Variants in COPG2 observed in about 807,000 individuals in gnomAD.
The protein encoded by COPG2 is coatomer subunit gamma-2.
Under a neutral mutation model 46.3 loss-of-function variants are expected in COPG2, and 37 were observed. The ratio of observed to expected loss-of-function variants is 0.80; its 90% CI spans 0.61 to 1.05. The LOEUF is 1.05. Ranked by LOEUF, COPG2 falls within the 50% of genes least tolerant of loss-of-function variation. The probability of loss-of-function intolerance (pLI) is 0.00; values close to 1 mark genes in which losing one functional copy is unlikely to be tolerated. For synonymous variants in COPG2, 159 were observed against 129.7 expected (o/e 1.23, Z -1.53); for missense variants, 427 against 387.8 (o/e 1.10, Z -0.85).
intron 3 of COPG2, among the ~76,000 whole-genome samples, chr7:130,666,347 C>G (rs1278385180): frequency 2.6e-5 from 4 of 152,190 alleles, no homozygotes; most frequent in Non-Finnish European, 5.9e-5. Flanking sequence ...CATGCTCTAA[C>G]TAGTACTCAT....
At chr7:130,587,803 T>C (rs1554448233) in intron 9 of COPG2, among the ~76,000 whole-genome samples, 1 of 152,034 alleles carries the variant, frequency 6.6e-6, no homozygotes, top group Non-Finnish European at 1.5e-5. Flanking sequence ...GGGATCTAAT[T>C]AAACTAAAGA....
chr7:130,667,563 C>T, intron 1 of COPG2, 29 bp from the exon 2 acceptor site: 3 of 1,589,976 alleles, frequency 1.9e-6, no homozygotes, highest in Non-Finnish European at 2.6e-6. Flanking sequence ...AAAAAAATGT[C>T]CTGAACAGCT....
chr7:130,560,292 T>A (rs1271591349), intron 12 of COPG2, among the ~76,000 whole-genome samples: 1 of 152,114 alleles, frequency 6.6e-6, no homozygotes, highest in Non-Finnish European at 1.5e-5. Flanking sequence ...AACAACAGAT[T>A]TGCAAGACCT....
At chr7:130,601,797 A>T (rs1554450349) in intron 9 of COPG2, among the ~76,000 whole-genome samples, 2 of 152,044 alleles carry the variant, frequency 1.3e-5, no homozygotes, top group Non-Finnish European at 2.9e-5. Context: ...CATTCTGCAC[A>T]TGTACCCCAG....
chr7:130,578,254 G>A (rs1220178414), intron 9 of COPG2, among the ~76,000 whole-genome samples: 1 of 150,368 alleles, frequency 6.7e-6, no homozygotes, highest in African/African-American at 2.4e-5. Context: ...ACCTCACACA[G>A]CAGGGTATTC....
At chr7:130,519,021 A>G (rs890293556) in intron 20 of COPG2, among the ~76,000 whole-genome samples, 2 of 151,576 alleles carry the variant, frequency 1.3e-5, no homozygotes, top group Admixed American at 6.6e-5. Flanking sequence ...AAAAAAAAAA[A>G]AAGAGTAGAG....
At chr7:130,542,990 GT>G (rs1472531188) in intron 20 of COPG2, among the ~76,000 whole-genome samples, 34 of 152,164 alleles carry the variant, frequency 2.2e-4, no homozygotes, top group Admixed American at 2.2e-3. Flanking sequence ...AGCGAGTGGG[GT>G]AACAACACTT....
rs782203090 is a variant in COPG2 at position 130,617,027 on chromosome 7, C to T, written c.362G>A (p.Arg121Gln). Reference sequence around the variant, plus strand: ...GCAGAGAGCTCTGATGGCCGGGCCTCGGTATACATCTTCTTTTCCAGTCAT... The same window carrying T: ...GCAGAGAGCTCTGATGGCCGGGCCTTGGTATACATCTTCTTTTCCAGTCAT... ...KDMTGKEDVY[R>Q]GPAIRALCRI... The change falls in exon 6 of 24, where the codon CGA (arginine) becomes CAA (glutamine). Residue 121 changes from arginine (R) to glutamine (Q), a missense_variant. By Grantham distance (43) the Arg-to-Gln change is conservative (BLOSUM62 1). Transcript: ENST00000425248. 12 of 1,611,080 alleles carry T rather than the reference C, an allele frequency of 7.4e-6. No homozygotes were observed. Among genetic ancestry groups the T allele is most frequent in the African/African-American group, 1.3e-5 (1 of 74,894 alleles).
At chr7:130,513,290 T>TTAAAA (rs1331715291) in intron 20 of COPG2, among the ~76,000 whole-genome samples, 1 of 20,292 alleles carries the variant, frequency 4.9e-5, no homozygotes, top group Non-Finnish European at 1.2e-4. Context: ...TAATTCTGTC[T>TTAAAA]AAAAAAAAAA....
chr7:130,553,421 G>A (rs1019892200), intron 14 of COPG2, among the ~76,000 whole-genome samples: 59 of 151,956 alleles, frequency 3.9e-4, no homozygotes, highest in African/African-American at 1.3e-3. Flanking sequence ...GATCTGAAAC[G>A]GATGACAGCC....
At chr7:130,622,753 T>C (rs1034824968) in intron 5 of COPG2, among the ~76,000 whole-genome samples, 3 of 152,188 alleles carry the variant, frequency 2.0e-5, no homozygotes, top group Non-Finnish European at 2.9e-5. Context: ...TCTCCAATAG[T>C]TGACTCAAAC....
chr7:130,586,190 T>C (rs1794265091), intron 9 of COPG2, among the ~76,000 whole-genome samples: 1 of 152,080 alleles, frequency 6.6e-6, no homozygotes, highest in Non-Finnish European at 1.5e-5. Context: ...GATTGGAGAC[T>C]ATTATTCTAA....
chr7:130,621,943 CAAAAA>C (rs562107230), intron 5 of COPG2, among the ~76,000 whole-genome samples: 1 of 67,536 alleles, frequency 1.5e-5, no homozygotes, highest in African/African-American at 4.9e-5. Context: ...GACTCCATCT[CAAAAA>C]AAAAAAAAAA....
At chr7:130,536,620 A>T (rs1292786817) in intron 20 of COPG2, among the ~76,000 whole-genome samples, 1 of 152,180 alleles carries the variant, frequency 6.6e-6, no homozygotes, top group Non-Finnish European at 1.5e-5. Context: ...CCGGACAGAC[A>T]TGTACAATGT....
At chr7:130,556,584 C>T (rs1266285925) in intron 12 of COPG2, among the ~76,000 whole-genome samples, 1 of 151,940 alleles carries the variant, frequency 6.6e-6, no homozygotes, top group East Asian at 1.9e-4. Context: ...TATATATGTA[C>T]AGAAAGAAAA....
At chr7:130,591,078 T>C (rs1794400723) in intron 9 of COPG2, among the ~76,000 whole-genome samples, 1 of 140,566 alleles carries the variant, frequency 7.1e-6, no homozygotes, top group African/African-American at 2.7e-5. Context: ...AGCCGCCCCG[T>C]CCAGAAGGGA....
chr7:130,519,167 G>A (rs1456871049), intron 20 of COPG2, among the ~76,000 whole-genome samples: 1 of 152,144 alleles, frequency 6.6e-6, no homozygotes, highest in East Asian at 1.9e-4. Context: ...GCCGGGATGA[G>A]GAGCACTGAG....
intron 20 of COPG2, among the ~76,000 whole-genome samples, chr7:130,538,627 C>T (rs1291192640): frequency 6.6e-6 from 1 of 150,902 alleles, no homozygotes; most frequent in Non-Finnish European, 1.5e-5. Context: ...CATCACTGCA[C>T]ATTCAGACAG....
intron 5 of COPG2, among the ~76,000 whole-genome samples, chr7:130,643,726 G>C (rs1474938714): frequency 6.6e-6 from 1 of 152,158 alleles, no homozygotes. Flanking sequence ...GGGAGGCCAA[G>C]GCATGTCAGA....
Sources: gnomAD v4.1 joint callset for allele counts (sites outside exome capture counted in the v4.1 genomes callset) on GRCh38, gnomAD v4.1.1 for gene constraint, MANE v1.5 for transcripts, NCBI Gene and HGNC (gene_info 2026-07-23, HGNC 2026-07-21) for gene names.